Variants in CDK15 observed in about 807,000 individuals in gnomAD.
CDK15 encodes cyclin dependent kinase 15.
In CDK15, 62 loss-of-function variants were observed where a neutral mutation model predicts 60.3. That is an observed-to-expected ratio of 1.03 (90% confidence interval 0.84 to 1.27). CDK15 has a LOEUF of 1.27. CDK15 is among the 50% of genes most tolerant of loss of function. The probability of loss-of-function intolerance (pLI) is 0.00; values close to 1 mark genes in which losing one functional copy is unlikely to be tolerated. For missense variants in CDK15, 541 were observed against 527.8 expected (o/e 1.03, Z -0.25); for synonymous variants, 194 against 195.7 (o/e 0.99, Z 0.07).
Position 201,807,591 on chromosome 2 carries a change from G to A in CDK15, c.221G>A (p.Arg74Gln), listed in dbSNP as rs201632234. The change falls in exon 2 of 14, where the codon CGG becomes CAG. Residue 74 changes from arginine (R) to glutamine (Q), a missense_variant. Transcript: ENST00000652192. ...CAGAAGTTCAAGAGTAAAAGGCCACGGAGTAACAGTGATTGTTTTCAGGAA... is the reference window on the plus strand; with the variant it reads ...CAGAAGTTCAAGAGTAAAAGGCCACAGAGTAACAGTGATTGTTTTCAGGAA... ...RAQKFKSKRPRSNSDCFQEED... is the reference protein window; with the variant it reads ...RAQKFKSKRPQSNSDCFQEED... 4.3e-5 allele frequency: 69 copies of A among 1,614,166 alleles called. No individual in the cohort carries two copies. The highest frequency in any genetic ancestry group is 5.5e-5 in the South Asian group (5 of 91,078).
intron 4 of CDK15, among the ~76,000 whole-genome samples, chr2:201,819,957 A>C (rs570757208): frequency 6.6e-6 from 1 of 152,340 alleles, no homozygotes; most frequent in South Asian, 2.1e-4. Flanking sequence ...AGGAAGCCTC[A>C]TTCCAAGTAG....
In CDK15 at chr2:201,807,659, A is replaced by T. The variant is rs200222460; in HGVS notation, c.273+16A>T. The T allele has an allele frequency of 1.2e-5, 20 of 1,613,834 alleles. No individual in the cohort carries two copies. In the East Asian group the frequency reaches 3.1e-4, roughly 25 times the overall value. On this transcript the variant is annotated intron_variant, in intron 2 of 13. Coordinates refer to ENST00000652192, the MANE Select transcript of CDK15 (RefSeq NM_001366386.2). ...TTTTCAGTGGGTGAGTGAGCAGCTG[A>T]TGTTGATCAAGAAGAATTTAATGTG... is the stretch of plus-strand genomic sequence containing the variant.
At chr2:201,890,288 C>T (rs1349777104) in intron 12 of CDK15, among the ~76,000 whole-genome samples, 3 of 152,182 alleles carry the variant, frequency 2.0e-5, no homozygotes, top group African/African-American at 7.2e-5. Flanking sequence ...ACTTGCAGTT[C>T]CCTCAAACAC....
At chr2:201,849,957 T>C (rs750958805) in intron 9 of CDK15, among the ~76,000 whole-genome samples, 1 of 152,138 alleles carries the variant, frequency 6.6e-6, no homozygotes, top group Non-Finnish European at 1.5e-5. Flanking sequence ...CCTGACTAGC[T>C]GGAATTACAG....
chr2:201,822,858 C>T lies in CDK15; in HGVS notation c.498C>T (p.Asp166=). 6.2e-7 allele frequency: 1 copy of T among 1,613,326 alleles called. No homozygotes were observed. Among genetic ancestry groups the T allele is most frequent in the South Asian group, 1.1e-5 (1 of 91,056 alleles). Residue 166 remains aspartate (D), a synonymous_variant, in exon 5 of 14, where the codon GAC becomes GAT. Coordinates refer to ENST00000652192, the MANE Select transcript of CDK15 (RefSeq NM_001366386.2). ...ATGCCAATATTGTGCTCCTGCATGA[C>T]ATAATCCACACCAAAGAGACACTGA... is the stretch of plus-strand genomic sequence containing the variant. ...LKHANIVLLH[D]IIHTKETLTF...
intron 3 of CDK15, chr2:201,808,804 A>G (rs895956233): frequency 1.3e-5 from 2 of 152,226 alleles, no homozygotes; most frequent in Admixed American, 6.5e-5. Flanking sequence ...AAAATTTTAT[A>G]TAACTACTAC....
At chr2:201,853,353 A>G (rs1282985113) in intron 9 of CDK15, among the ~76,000 whole-genome samples, 1 of 152,200 alleles carries the variant, frequency 6.6e-6, no homozygotes, top group East Asian at 1.9e-4. Flanking sequence ...ATGAGGGAAA[A>G]TAGCACTTCA....
At chr2:201,839,267 G>T (rs372317955) in intron 8 of CDK15, among the ~76,000 whole-genome samples, 1 of 152,182 alleles carries the variant, frequency 6.6e-6, no homozygotes, top group East Asian at 1.9e-4. Context: ...TCTTCTTCAT[G>T]AGGATACATC....
At position 201,890,973 on chromosome 2, in the gene CDK15, G is replaced by A. The variant is rs1035162150; in HGVS notation, c.*33+46G>A. ...GGTTCCTTATGGAACAAATTGAAAA[G>A]CAATTGGTGCCGGGTGGAGAGGACA... is the stretch of plus-strand genomic sequence containing the variant. On this transcript the variant is annotated intron_variant, in intron 13 of 13. Transcript: ENST00000652192. 40 of 1,004,706 alleles carry A rather than the reference G, an allele frequency of 4.0e-5. No individual in the cohort carries two copies. The Middle Eastern group carries it at 6.6e-4, about 16-fold the overall frequency. 62.2% of individuals were successfully genotyped at this position (1,004,706 alleles called of 1,614,324 possible). A position where few individuals can be genotyped will look rare whatever the true frequency, so the allele number is the denominator to read the frequency against.
At chr2:201,861,650 T>A in intron 10 of CDK15, 1 of 498,206 alleles carries the variant, frequency 2.0e-6, no homozygotes, top group Non-Finnish European at 2.6e-6. Flanking sequence ...AGCCTCCGCC[T>A]CCTGGGTACA....
chr2:201,806,872 C>G (rs925988851), intron 1 of CDK15, 85 bp downstream of exon 1: 51 of 1,494,106 alleles, frequency 3.4e-5, no homozygotes, highest in Admixed American at 7.0e-5. Context: ...GGATCTGATT[C>G]TTCTGCGGTA....
chr2:201,844,680 G>A (rs1697563850), intron 8 of CDK15, among the ~76,000 whole-genome samples: 1 of 152,160 alleles, frequency 6.6e-6, no homozygotes, highest in South Asian at 2.1e-4. Flanking sequence ...TAGGCCAAGC[G>A]TGTGGTGGCT....
intron 8 of CDK15, among the ~76,000 whole-genome samples, chr2:201,843,199 T>C (rs920702286): frequency 2.0e-5 from 3 of 152,200 alleles, no homozygotes; most frequent in Admixed American, 6.5e-5. Context: ...AGTTCTTTTT[T>C]TTTATTAGAT....
chr2:201,890,967 T>C (rs1002353473), intron 13 of CDK15, 40 bp downstream of exon 13: 1 of 1,073,034 alleles, frequency 9.3e-7, no homozygotes, highest in Non-Finnish European at 1.4e-6. Context: ...TGGAACAAAT[T>C]GAAAAGCAAT....
At chr2:201,866,314 T>G in intron 10 of CDK15, among the ~76,000 whole-genome samples, 1 of 152,110 alleles carries the variant, frequency 6.6e-6, no homozygotes, top group East Asian at 1.9e-4. Context: ...AATGGTGCAG[T>G]GATGTTTTAC....
chr2:201,832,338 G>A (rs910824549), intron 6 of CDK15, among the ~76,000 whole-genome samples: 1 of 152,170 alleles, frequency 6.6e-6, no homozygotes, highest in Non-Finnish European at 1.5e-5. Flanking sequence ...GGGCCACTGC[G>A]CCAGTCTGAA....
chr2:201,820,413 C>A (rs1464659082), intron 4 of CDK15, among the ~76,000 whole-genome samples: 1 of 152,146 alleles, frequency 6.6e-6, no homozygotes, highest in African/African-American at 2.4e-5. Flanking sequence ...GATACTAATT[C>A]TAATTTGCCT....
Position 201,807,513 on chromosome 2 carries a change from C to T in CDK15, c.143C>T (p.Ala48Val), listed in dbSNP as rs1198285571. Residue 48 changes from alanine (A) to valine (V), a missense_variant, in exon 2 of 14, where the codon GCA (alanine) becomes GTA (valine). By Grantham distance (64) the Ala-to-Val change is moderately conservative (BLOSUM62 0). Transcript: ENST00000652192. ...CTCTAGCTAACAGACCTAAAAGAAG[C>T]ATCATGTTCCATGACTTCATTTCAC... ...AAFKLTDLKE[A>V]SCSMTSFHPR... 1.9e-6 allele frequency: 3 copies of T among 1,613,924 alleles called. No homozygotes were observed. The highest frequency in any genetic ancestry group is 1.7e-5 in the Admixed American group (1 of 59,978).
At chr2:201,827,344 G>A (rs1419404804) in intron 6 of CDK15, among the ~76,000 whole-genome samples, 1 of 152,162 alleles carries the variant, frequency 6.6e-6, no homozygotes, top group Non-Finnish European at 1.5e-5. Flanking sequence ...TACCTGGGAG[G>A]CTAGGTGGGT....
Sources: gnomAD v4.1 joint callset for allele counts (sites outside exome capture counted in the v4.1 genomes callset) on GRCh38, gnomAD v4.1.1 for gene constraint, MANE v1.5 for transcripts, NCBI Gene and HGNC (gene_info 2026-07-23, HGNC 2026-07-21) for gene names.